Variants in LIN7A observed in about 807,000 individuals in gnomAD.
LIN7A encodes the protein lin-7 cell polarity scaffold A.
Under a neutral mutation model 29.8 loss-of-function variants are expected in LIN7A, and 25 were observed. The ratio of observed to expected loss-of-function variants is 0.84; its 90% CI spans 0.61 to 1.17. LIN7A has a LOEUF of 1.17. Among genes scored for constraint, LIN7A ranks in the 50% most tolerant of loss-of-function variants. LIN7A has a pLI of 0.00. For missense variants in LIN7A, 239 were observed against 287.0 expected, an observed-to-expected ratio of 0.83 and a Z score of 1.21; for synonymous variants, 118 against 107.5, an observed-to-expected ratio of 1.10 and a Z score of -0.60.
intron 1 of LIN7A, among the ~76,000 whole-genome samples, chr12:80,892,049 T>G (rs934697368): frequency 9.2e-5 from 14 of 152,178 alleles, no homozygotes; most frequent in African/African-American, 3.4e-4. Flanking sequence ...CTGAAGCAGC[T>G]TCAGTTGCTA....
intron 4 of LIN7A, among the ~76,000 whole-genome samples, chr12:80,822,144 G>A (rs1421682822): frequency 1.3e-5 from 2 of 152,194 alleles, no homozygotes; most frequent in African/African-American, 4.8e-5. Flanking sequence ...TCACAATCAT[G>A]GCAGAAAGCA....
At chr12:80,917,496 T>C (rs1048262959) in intron 1 of LIN7A, among the ~76,000 whole-genome samples, 6 of 152,180 alleles carry the variant, frequency 3.9e-5, no homozygotes, top group African/African-American at 7.2e-5. Context: ...ATGGTGCTAT[T>C]TTTTTCTGTG....
At chr12:80,926,523 ACAAT>A (rs1464912908) in intron 1 of LIN7A, among the ~76,000 whole-genome samples, 9 of 152,232 alleles carry the variant, frequency 5.9e-5, no homozygotes, top group Non-Finnish European at 1.0e-4. Flanking sequence ...TTTGTAGTTG[ACAAT>A]CAATCTGGAA....
intron 1 of LIN7A, among the ~76,000 whole-genome samples, chr12:80,913,919 T>C (rs941341567): frequency 6.6e-6 from 1 of 152,250 alleles, no homozygotes. Flanking sequence ...TCTATGCTTC[T>C]GAAACTTGCC....
intron 4 of LIN7A, among the ~76,000 whole-genome samples, chr12:80,842,387 A>C (rs1872864123): frequency 1.3e-5 from 2 of 152,068 alleles, no homozygotes; most frequent in South Asian, 4.1e-4. Context: ...CATTTAGAAA[A>C]AGGATATGTC....
chr12:80,882,921 G>C (rs1333001189), intron 2 of LIN7A, among the ~76,000 whole-genome samples: 1 of 152,046 alleles, frequency 6.6e-6, no homozygotes, highest in African/African-American at 2.4e-5. Context: ...CTTGGCACTA[G>C]ATTACAAAAT....
intron 2 of LIN7A, among the ~76,000 whole-genome samples, chr12:80,870,682 G>A (rs1245754824): frequency 6.6e-6 from 1 of 152,178 alleles, no homozygotes; most frequent in East Asian, 1.9e-4. Context: ...GGTAGACAAA[G>A]TCTCTTCTAA....
At chr12:80,808,555 G>T (rs1197791005) in intron 5 of LIN7A, among the ~76,000 whole-genome samples, 1 of 150,300 alleles carries the variant, frequency 6.7e-6, no homozygotes, top group Non-Finnish European at 1.5e-5. Context: ...ACCCAGGCTG[G>T]AGTGCAGTGA....
chr12:80,873,107 T>A (rs1874503122), intron 2 of LIN7A, among the ~76,000 whole-genome samples: 1 of 152,202 alleles, frequency 6.6e-6, no homozygotes, highest in African/African-American at 2.4e-5. Flanking sequence ...GAGCCCCAGG[T>A]TGGTAAGACC....
Position 80,886,008 on chromosome 12 carries a change from T to C in LIN7A, c.201+3243A>G, listed in dbSNP as rs372258827. Reference sequence around the variant, plus strand: ...TGTTTTACAATCTTGTTGGCAAAAGTGTGACCTATGTCTGTTTTTGTTCTG... The same window carrying C: ...TGTTTTACAATCTTGTTGGCAAAAGCGTGACCTATGTCTGTTTTTGTTCTG... On this transcript the variant is annotated intron_variant, in intron 2 of 5. Transcript: ENST00000552864. Among the ~76,000 whole-genome samples the C allele has an allele frequency of 7.9e-5, 12 of 152,232 alleles. No homozygotes were observed. The East Asian group carries it at 2.1e-3, about 27-fold the overall frequency.
intron 1 of LIN7A, 47 bp downstream of exon 1, chr12:80,937,594 G>T: frequency 7.5e-7 from 1 of 1,326,932 alleles, no homozygotes; most frequent in Admixed American, 2.8e-5. Flanking sequence ...GGGAAGGGAG[G>T]AGGGGAGAGG....
chr12:80,864,342 G>T (rs1005476352), intron 2 of LIN7A, among the ~76,000 whole-genome samples: 1 of 151,142 alleles, frequency 6.6e-6, no homozygotes. Flanking sequence ...AAAAAGAAAT[G>T]AATCACTTTA....
chr12:80,818,757 G>A (rs936369103), intron 4 of LIN7A, among the ~76,000 whole-genome samples: 1 of 152,170 alleles, frequency 6.6e-6, no homozygotes, highest in African/African-American at 2.4e-5. Flanking sequence ...GATCCAGCCA[G>A]TCAGTCTCTG....
chr12:80,808,516 T>C (rs1188399493), intron 5 of LIN7A, among the ~76,000 whole-genome samples: 5 of 150,750 alleles, frequency 3.3e-5, no homozygotes, highest in Non-Finnish European at 5.9e-5. Context: ...TCTTTTTTTT[T>C]TTTTTTTGAG....
At chr12:80,817,959 A>C (rs78838657) in intron 4 of LIN7A, among the ~76,000 whole-genome samples, 14,942 of 152,174 alleles carry the variant, frequency 0.098, 795 homozygotes, top group East Asian at 0.19. Flanking sequence ...CTAGCTCAAA[A>C]GTGTGAGCTG....
intron 3 of LIN7A, among the ~76,000 whole-genome samples, chr12:80,846,919 C>T (rs1873103315): frequency 6.6e-6 from 1 of 152,164 alleles, no homozygotes; most frequent in Non-Finnish European, 1.5e-5. Context: ...TGATTAGATG[C>T]CTGCTATAAA....
intron 4 of LIN7A, among the ~76,000 whole-genome samples, chr12:80,829,154 G>T (rs908854358): frequency 6.6e-6 from 1 of 152,002 alleles, no homozygotes; most frequent in African/African-American, 2.4e-5. Flanking sequence ...AAGTAGTTTG[G>T]GCAAAATAAG....
intron 1 of LIN7A, among the ~76,000 whole-genome samples, chr12:80,917,165 G>A (rs1037663133): frequency 6.6e-6 from 1 of 152,060 alleles, no homozygotes; most frequent in Non-Finnish European, 1.5e-5. Context: ...AAGCATTTCT[G>A]GGCAAGGCAA....
At chr12:80,822,596 C>T (rs1217515878) in intron 4 of LIN7A, among the ~76,000 whole-genome samples, 1 of 152,146 alleles carries the variant, frequency 6.6e-6, no homozygotes, top group African/African-American at 2.4e-5. Context: ...AAAGGGGTAA[C>T]TGCCCCAGTG....
Sources: gnomAD v4.1 joint callset for allele counts (sites outside exome capture counted in the v4.1 genomes callset) on GRCh38, gnomAD v4.1.1 for gene constraint, MANE v1.5 for transcripts, NCBI Gene and HGNC (gene_info 2026-07-23, HGNC 2026-07-21) for gene names.